KAT6B: variants seen among roughly 807,000 people sequenced by gnomAD.
KAT6B encodes the protein histone acetyltransferase KAT6B.
Under a neutral mutation model 187.5 loss-of-function variants are expected in KAT6B, and 10 were observed. That is an observed-to-expected ratio of 0.05 (90% CI 0.03 to 0.09). The LOEUF is 0.09. Ranked by LOEUF, KAT6B falls within the 10% of genes least tolerant of loss-of-function variation. KAT6B has a pLI of 1.00. For synonymous variants in KAT6B, 861 were observed against 926.8 expected (o/e 0.93, Z 1.29); for missense variants, 1,952 against 2,558.9 (o/e 0.76, Z 5.12).
intron 3 of KAT6B, among the ~76,000 whole-genome samples, chr10:74,872,161 C>G (rs1362571549): frequency 6.6e-6 from 1 of 152,206 alleles, no homozygotes; most frequent in Non-Finnish European, 1.5e-5. Context: ...CTCACACTTG[C>G]TCAGCCCTGT....
chr10:74,826,034 G>A (rs1840177977), upstream of KAT6B, among the ~76,000 whole-genome samples: 1 of 151,644 alleles, frequency 6.6e-6, no homozygotes, highest in Non-Finnish European at 1.5e-5. Flanking sequence ...TTTTAACTTC[G>A]CGTGCCCGCC....
chr10:74,956,608 C>A (rs571353425), intron 3 of KAT6B, among the ~76,000 whole-genome samples: 3 of 152,104 alleles, frequency 2.0e-5, no homozygotes, highest in African/African-American at 7.2e-5. Flanking sequence ...CTCATGAAGA[C>A]AGACTTGTGT....
intron 1 of KAT6B, among the ~76,000 whole-genome samples, chr10:74,829,059 A>G (rs1287049713): frequency 6.6e-6 from 1 of 152,096 alleles, no homozygotes; most frequent in Non-Finnish European, 1.5e-5. Context: ...AGATTTTAAC[A>G]TTAAAAGAGG....
At chr10:74,998,218 G>GC (rs35070784) in intron 13 of KAT6B, among the ~76,000 whole-genome samples, 152,258 of 152,258 alleles carry the variant, frequency 1, 76,129 homozygotes, top group Non-Finnish European at 1. Flanking sequence ...CCTCCCAAGT[G>GC]TGGGATTCAG....
Position 75,030,443 on chromosome 10 carries a change from A to G in KAT6B, c.5619A>G (p.Gln1873=). Residue 1873 remains glutamine, a synonymous_variant, in exon 18 of 18, where the codon CAA becomes CAG. Transcript: ENST00000287239. This position sits in a 1 kb window ranked among gnomAD's most constrained non-coding sequence, Gnocchi z 4.8. ...QSPHSVPGGP[Q]AQATMTPPPN... is the part of the protein sequence containing the mutation. ...CACACTCCGTCCCTGGGGGACCCCA[A>G]GCACAAGCTACCATGACCCCACCCC... The G allele has an allele frequency of 6.2e-7, 1 of 1,614,168 alleles. No homozygotes were observed. The highest frequency in any genetic ancestry group is 2.2e-5 in the East Asian group (1 of 44,882).
At chr10:74,826,848 G>A (rs1420247413) in intron 1 of KAT6B, 63 bp downstream of exon 1, 3 of 150,640 alleles carry the variant, frequency 2.0e-5, no homozygotes, top group African/African-American at 4.9e-5. Context: ...GGAACAGACG[G>A]GGGGGGATTC....
chr10:74,840,134 A>T (rs182672413), intron 2 of KAT6B, among the ~76,000 whole-genome samples: 19 of 152,358 alleles, frequency 1.2e-4, no homozygotes, highest in African/African-American at 4.6e-4. Flanking sequence ...GTTGGACTGC[A>T]TGCTCACCAT....
intron 3 of KAT6B, among the ~76,000 whole-genome samples, chr10:74,862,666 G>A (rs1843263328): frequency 6.6e-6 from 1 of 152,192 alleles, no homozygotes; most frequent in Admixed American, 6.5e-5. Flanking sequence ...TTTAGAGATC[G>A]TTCTGAAGGA....
intron 13 of KAT6B, among the ~76,000 whole-genome samples, 183 bp downstream of exon 13, chr10:74,989,295 G>T (rs540829693): frequency 6.6e-6 from 1 of 152,310 alleles, no homozygotes; most frequent in East Asian, 1.9e-4. Context: ...GCTGCTCAGT[G>T]ATTGTACTCT....
intron 3 of KAT6B, among the ~76,000 whole-genome samples, chr10:74,910,893 C>T (rs1847156863): frequency 1.3e-5 from 2 of 152,152 alleles, no homozygotes; most frequent in Admixed American, 1.3e-4. Flanking sequence ...GTATTTTTAT[C>T]TAATCTAGTC....
intron 3 of KAT6B, among the ~76,000 whole-genome samples, chr10:74,944,648 A>G (rs1849968582): frequency 6.6e-6 from 1 of 151,982 alleles, no homozygotes; most frequent in African/African-American, 2.4e-5. Flanking sequence ...TCTCTACTAA[A>G]TATACAAAAA....
chr10:74,908,588 T>C (rs991375988), intron 3 of KAT6B, among the ~76,000 whole-genome samples: 4 of 152,074 alleles, frequency 2.6e-5, no homozygotes, highest in Admixed American at 6.6e-5. Flanking sequence ...TAAACTCCTT[T>C]TCTTTATAAG....
chr10:74,921,868 G>A lies in KAT6B; in HGVS notation c.622-38102G>A, dbSNP rs890747390. 3.3e-5 allele frequency among the ~76,000 whole-genome samples: 5 copies of A among 152,188 alleles called. No individual in the cohort carries two copies. In the East Asian group the frequency reaches 5.8e-4, roughly 18 times the overall value. On this transcript the variant is annotated intron_variant, in intron 3 of 17. Transcript: ENST00000287239. ...TAGAGCAAGGTGTTAATGAGACATC[G>A]GTCATAGGTCCAGGCTCTGGGTTGA...
chr10:75,011,484 A>G (rs1844602086), intron 13 of KAT6B, among the ~76,000 whole-genome samples: 1 of 152,196 alleles, frequency 6.6e-6, no homozygotes, highest in African/African-American at 2.4e-5. Context: ...GTTTGGTGAT[A>G]GGCAATGGGC....
chr10:75,014,046 T>G (rs1042793770), intron 13 of KAT6B, among the ~76,000 whole-genome samples: 1 of 152,194 alleles, frequency 6.6e-6, no homozygotes, highest in African/African-American at 2.4e-5. Flanking sequence ...GTCTACAAGG[T>G]CATAATTATT....
At chr10:74,952,572 A>G (rs1246417216) in intron 3 of KAT6B, among the ~76,000 whole-genome samples, 2 of 152,188 alleles carry the variant, frequency 1.3e-5, no homozygotes, top group Non-Finnish European at 2.9e-5. Context: ...GCCTTGTAGC[A>G]TGGCATTCGT....
intron 3 of KAT6B, among the ~76,000 whole-genome samples, chr10:74,902,339 A>G (rs898489160): frequency 3.9e-5 from 6 of 152,114 alleles, no homozygotes; most frequent in Non-Finnish European, 5.9e-5. Flanking sequence ...CAAATTGCCC[A>G]TGCTTTCCAA....
intron 3 of KAT6B, among the ~76,000 whole-genome samples, chr10:74,881,705 G>A (rs1844863727): frequency 6.6e-6 from 1 of 152,178 alleles, no homozygotes; most frequent in African/African-American, 2.4e-5. Context: ...CCAGGCTGGA[G>A]TGCAGTGGTG....
chr10:74,861,025 T>C (rs1194007027), intron 3 of KAT6B, among the ~76,000 whole-genome samples: 1 of 151,992 alleles, frequency 6.6e-6, no homozygotes, highest in African/African-American at 2.4e-5. Flanking sequence ...TAATCCCAGC[T>C]ACTCGGGAGG....
Sources: gnomAD v4.1 joint callset for allele counts (sites outside exome capture counted in the v4.1 genomes callset) on GRCh38, gnomAD v4.1.1 for gene constraint, Gnocchi (gnomAD v3.1) non-coding constraint, MANE v1.5 for transcripts, NCBI Gene and HGNC (gene_info 2026-07-23, HGNC 2026-07-21) for gene names.